DRAP1: variants seen among roughly 807,000 people sequenced by gnomAD.
DRAP1 encodes the protein dr1-associated corepressor.
Under a neutral mutation model 24.1 loss-of-function variants are expected in DRAP1, and 10 were observed. The observed-to-expected ratio is 0.41, with a 90% CI of 0.26 to 0.70. The LOEUF (loss-of-function observed/expected upper bound fraction) is 0.70, where lower values mean the gene tolerates loss of function less well. DRAP1 is among the 30% of genes least tolerant of loss of function. DRAP1 has a pLI of 0.29. For missense variants in DRAP1, 264 were observed against 275.6 expected (o/e 0.96, Z 0.30); for synonymous variants, 122 against 113.8 (o/e 1.07, Z -0.46).
At chr11:65,920,691 C>T in intron 5 of DRAP1, 29 bp downstream of exon 5, 1 of 1,466,906 alleles carries the variant, frequency 6.8e-7, no homozygotes, top group Non-Finnish European at 9.1e-7. Context: ...CTTCGCCCTG[C>T]CCTTGGTGAT....
At chr11:65,920,130 T>C in intron 3 of DRAP1, 89 bp downstream of exon 3, 1 of 1,519,608 alleles carries the variant, frequency 6.6e-7, no homozygotes, top group Non-Finnish European at 8.9e-7. Context: ...GCGAGGGAGG[T>C]GGGCGGCAGC....
At chr11:65,920,707 A>G (rs1195457783) in intron 5 of DRAP1, 45 bp downstream of exon 5, 4 of 1,460,238 alleles carry the variant, frequency 2.7e-6, no homozygotes, top group East Asian at 5.0e-5. Flanking sequence ...GTGATGGGAC[A>G]GGCAGCCTCG....
rs779986236 is a variant in DRAP1 at position 65,921,336 on chromosome 11, G to T, written c.519G>T (p.Pro173=). 2 of 1,598,904 alleles carry T rather than the reference G, an allele frequency of 1.3e-6. No homozygotes were observed. Among genetic ancestry groups the T allele is most frequent in the Admixed American group, 3.4e-5 (2 of 59,570 alleles). ...CCTGCCTTCTGCCCTGCAGCCCCCCGACACCCTTCCTGCCCTTCGCCTCTA... is the reference window on the plus strand; with the variant it reads ...CCTGCCTTCTGCCCTGCAGCCCCCCTACACCCTTCCTGCCCTTCGCCTCTA... ...SHPSAHFQSP[P]TPFLPFASTL... The change falls in exon 7 of 7, where the codon CCG becomes CCT. Residue 173 remains proline (P), a synonymous_variant. Coordinates refer to ENST00000312515, the MANE Select transcript of DRAP1 (RefSeq NM_006442.4).
chr11:65,920,478 G>C lies in DRAP1; in HGVS notation c.329+16G>C. ...GCGCCCGCAGGTGGGGCCAGGGCCT[G>C]GCATACAGTGGGGAAGGCCAAGGCC... On this transcript the variant is annotated intron_variant, in intron 4 of 6. Transcript: ENST00000312515. 1.2e-6 allele frequency: 2 copies of C among 1,613,776 alleles called. No homozygotes were observed. Among genetic ancestry groups the C allele is most frequent in the Non-Finnish European group, 1.7e-6 (2 of 1,179,816 alleles).
At chr11:65,920,089 T>A in intron 3 of DRAP1, 48 bp downstream of exon 3, 1 of 1,592,430 alleles carries the variant, frequency 6.3e-7, no homozygotes, top group Non-Finnish European at 8.6e-7. Context: ...GCGCGGGGAG[T>A]TCACACACTG....
At position 65,921,556 on chromosome 11, in the gene DRAP1, CTGTT is replaced by C; in HGVS notation, c.*122_*125del. ...AAAAAATAAAAGGGAATCTCAGTGT[CTGTT>C]CCAGGCTCTGCGCAGGACGTCATGG... On this transcript the variant is annotated 3_prime_UTR_variant, in exon 7 of 7. Transcript: ENST00000312515. 1.9e-6 allele frequency: 1 copy of C among 517,764 alleles called. No homozygotes were observed. The highest frequency in any genetic ancestry group is 3.3e-5 in the East Asian group (1 of 30,648). The allele number at this position is 517,764 out of a possible 1,614,324, so 32.1% of individuals were successfully genotyped here.
intron 3 of DRAP1, 107 bp from the exon 4 acceptor site, chr11:65,920,236 G>T: frequency 1.3e-6 from 2 of 1,548,724 alleles, no homozygotes; most frequent in South Asian, 1.2e-5. Flanking sequence ...CGGGAGCGGA[G>T]ATCGGCCCGG....
chr11:65,921,497 G>C lies in DRAP1; in HGVS notation c.*62G>C. On this transcript the variant is annotated 3_prime_UTR_variant, in exon 7 of 7. Transcript: ENST00000312515. ...GGTTTTAGTTGCTCTGGGGGGAGGAGAGAAGGTAGAGCTGTTCTTAAATTT... is the reference window on the plus strand; with the variant it reads ...GGTTTTAGTTGCTCTGGGGGGAGGACAGAAGGTAGAGCTGTTCTTAAATTT... 1 of 738,142 alleles carries C rather than the reference G, an allele frequency of 1.4e-6. No homozygotes were observed. The highest frequency in any genetic ancestry group is 2.3e-6 in the Non-Finnish European group (1 of 429,146). The allele number at this position is 738,142 out of a possible 1,614,324, so 45.7% of individuals were successfully genotyped here. A position where few individuals can be genotyped will look rare whatever the true frequency, so the allele number is the denominator to read the frequency against.
rs779595242 is a variant in DRAP1 at position 65,920,416 on chromosome 11, G to A, written c.283G>A (p.Gly95Arg). ...DLVASVPDMQ[G>R]DGEDNHMDGD... The stretch of plus-strand genomic sequence containing the variant: ...GGTGGCATCTGTTCCCGACATGCAG[G>A]GGGACGGGGAAGACAACCACATGGA... Residue 95 changes from glycine (G) to arginine (R), a missense_variant, in exon 4 of 7, where the codon GGG (glycine) becomes AGG (arginine). By Grantham distance (125) the Gly-to-Arg change is moderately radical (BLOSUM62 -2). Transcript: ENST00000312515. The A allele has an allele frequency of 1.2e-6, 2 of 1,614,122 alleles. No individual in the cohort carries two copies. Among genetic ancestry groups the A allele is most frequent in the Non-Finnish European group, 1.7e-6 (2 of 1,180,024 alleles).
At position 65,919,989 on chromosome 11, in the gene DRAP1, G is replaced by A; in HGVS notation, c.157G>A (p.Ala53Thr). 6.2e-7 allele frequency: 1 copy of A among 1,613,842 alleles called. No homozygotes were observed. The highest frequency in any genetic ancestry group is 1.1e-5 in the South Asian group (1 of 91,086). Residue 53 changes from alanine (A) to threonine (T), a missense_variant, in exon 3 of 7, where the codon GCC (alanine) becomes ACC (threonine). Ala to Thr is a moderately conservative substitution (Grantham distance 58). Around this residue, in one of 2 missense-constraint regions of DRAP1, gnomAD observed 243 missense variants for 233.6 expected, o/e 1.04. Transcript: ENST00000312515. ...ELFLESLLKKACQVTQSRNAK... is the reference protein window; with the variant it reads ...ELFLESLLKKTCQVTQSRNAK... ...CTTCCTAGAGTCGCTGTTGAAGAAG[G>A]CCTGCCAGGTGACCCAGTCGCGGAA...
At chr11:65,921,245 T>C in intron 6 of DRAP1, 85 bp from the exon 7 acceptor site, 1 of 827,486 alleles carries the variant, frequency 1.2e-6, no homozygotes, top group Non-Finnish European at 2.0e-6. Flanking sequence ...GAGGGTCAGA[T>C]GGGGGAGGGA....
intron 1 of DRAP1, 90 bp downstream of exon 1, chr11:65,919,633 G>C (rs1854521745): frequency 6.5e-7 from 1 of 1,537,184 alleles, no homozygotes; most frequent in Admixed American, 2.0e-5. Flanking sequence ...GCGCCGCGGT[G>C]TTCGGGGGCC....
Position 65,920,662 on chromosome 11 carries a change from G to A in DRAP1, c.423G>A (p.Glu141=), listed in dbSNP as rs940989475. Residue 141 remains glutamate (E), a splice_region_variant and synonymous_variant, in exon 5 of 7, where the codon GAG becomes GAA. Coordinates refer to ENST00000312515, the MANE Select transcript of DRAP1 (RefSeq NM_006442.4). Reference sequence around the variant, plus strand: ...TGTCCGGGACAGACTCGGAGCAGGAGGTGAGTGAGGCCCCAGCCCTTCGCC... The same window carrying A: ...TGTCCGGGACAGACTCGGAGCAGGAAGTGAGTGAGGCCCCAGCCCTTCGCC... ...KKLSGTDSEQ[E]DESEDTDTDG... is the part of the protein sequence containing the mutation. The A allele has an allele frequency of 2.3e-5, 34 of 1,483,198 alleles. No individual in the cohort carries two copies. In the Admixed American group the frequency reaches 6.3e-4, roughly 27 times the overall value. The allele number at this position is 1,483,198 out of a possible 1,614,324, so 91.9% of individuals were successfully genotyped here.
Position 65,920,055 on chromosome 11 carries a change from A to AGCCGGGAGGG in DRAP1, c.209+20_209+29dup. 6.2e-7 allele frequency: 1 copy of AGCCGGGAGGG among 1,611,980 alleles called. No individual in the cohort carries two copies. Among genetic ancestry groups the AGCCGGGAGGG allele is most frequent in the South Asian group, 1.1e-5 (1 of 90,910 alleles). Reference sequence around the variant, plus strand: ...CACATCCCACCTGTGAGCGGCGAGGAGCCGGGAGGGGCCGGCGGGTTTGGC... The same window carrying AGCCGGGAGGG: ...CACATCCCACCTGTGAGCGGCGAGGAGCCGGGAGGGGCCGGGAGGGGCCGGCGGGTTTGGC... On this transcript the variant is annotated intron_variant, in intron 3 of 6. Transcript: ENST00000312515.
At position 65,921,377 on chromosome 11, in the gene DRAP1, C is replaced by T. The variant is rs1293575746; in HGVS notation, c.560C>T (p.Pro187Leu). The T allele has an allele frequency of 1.2e-6, 2 of 1,611,764 alleles. No individual in the cohort carries two copies. The highest frequency in any genetic ancestry group is 2.2e-5 in the South Asian group (2 of 91,008). The change falls in exon 7 of 7, where the codon CCA (proline) becomes CTA (leucine). Residue 187 changes from proline to leucine, a missense_variant. Physicochemically the swap from Pro to Leu is moderately conservative, Grantham distance 98 (BLOSUM62 -3). This residue lies in a region of DRAP1 where 243 missense variants were observed against 233.6 expected (regional missense o/e 1.04). Coordinates refer to ENST00000312515, the MANE Select transcript of DRAP1 (RefSeq NM_006442.4). Reference protein sequence around the residue: ...LPFASTLPLPPAPPGPSAPDE... With the variant: ...LPFASTLPLPLAPPGPSAPDE... The stretch of plus-strand genomic sequence containing the variant: ...TTCGCCTCTACTCTGCCTTTGCCCC[C>T]AGCGCCCCCGGGCCCCTCAGCACCT...
rs749052575 is a variant in DRAP1 at position 65,919,762 on chromosome 11, C to G, written c.43-18C>G. Reference sequence around the variant, plus strand: ...GGACGGTGGCGACGGGGTCTGAACTCTGCTCCCCCACCCGCAGGCGCGGAT... The same window carrying G: ...GGACGGTGGCGACGGGGTCTGAACTGTGCTCCCCCACCCGCAGGCGCGGAT... On this transcript the variant is annotated intron_variant, in intron 1 of 6. Transcript: ENST00000312515. The G allele has an allele frequency of 1.7e-4, 275 of 1,612,804 alleles. No homozygotes were observed. The highest frequency in any genetic ancestry group is 2.3e-4 in the Non-Finnish European group (266 of 1,179,940).
At chr11:65,919,901 A>G in intron 2 of DRAP1, 47 bp from the exon 3 acceptor site, 1 of 1,613,334 alleles carries the variant, frequency 6.2e-7, no homozygotes, top group East Asian at 2.2e-5. Flanking sequence ...GGAGGGAGGC[A>G]GCGGGTCGCC....
Position 65,921,375 on chromosome 11 carries a change from C to T in DRAP1, c.558C>T (p.Pro186=), listed in dbSNP as rs775795207. The T allele has an allele frequency of 6.2e-7, 1 of 1,611,570 alleles. No homozygotes were observed. The highest frequency in any genetic ancestry group is 1.1e-5 in the South Asian group (1 of 91,008). The change falls in exon 7 of 7, where the codon CCC becomes CCT. Residue 186 remains proline (P), a synonymous_variant. Coordinates refer to ENST00000312515, the MANE Select transcript of DRAP1 (RefSeq NM_006442.4). ...FLPFASTLPL[P]PAPPGPSAPD... ...CCTTCGCCTCTACTCTGCCTTTGCCCCCAGCGCCCCCGGGCCCCTCAGCAC... is the reference window on the plus strand; with the variant it reads ...CCTTCGCCTCTACTCTGCCTTTGCCTCCAGCGCCCCCGGGCCCCTCAGCAC...
chr11:65,919,622 C>G, intron 1 of DRAP1, 79 bp downstream of exon 1: 1 of 1,538,408 alleles, frequency 6.5e-7, no homozygotes, highest in Non-Finnish European at 8.8e-7. Context: ...GGCAGGCGGG[C>G]GCGCCGCGGT....
Sources: gnomAD v4.1 joint callset for allele counts on GRCh38, gnomAD v4.1.1 for gene constraint, gnomAD v4.1.1 regional missense constraint, MANE v1.5 for transcripts, NCBI Gene and HGNC (gene_info 2026-07-23, HGNC 2026-07-21) for gene names.